ITSN2: variants seen among roughly 807,000 people sequenced by gnomAD.
ITSN2 encodes intersectin-2.
ITSN2 carries 156 observed loss-of-function variants against 243.7 expected under a neutral mutation model. The observed-to-expected ratio is 0.64, with a 90% CI of 0.56 to 0.73. The LOEUF is 0.73. Ranked by LOEUF, ITSN2 falls within the 30% of genes least tolerant of loss-of-function variation. ITSN2 has a pLI of 0.00. For missense variants in ITSN2, 1,801 were observed against 1,996.1 expected (o/e 0.90, Z 1.86); for synonymous variants, 703 against 699.9 (o/e 1.00, Z -0.07).
At chr2:24,337,057 CT>C (rs1686458131) in intron 1 of ITSN2, among the ~76,000 whole-genome samples, 2 of 148,994 alleles carry the variant, frequency 1.3e-5, no homozygotes, top group African/African-American at 4.9e-5. Flanking sequence ...TGTAACTTGG[CT>C]TTTCTTTTTT....
intron 17 of ITSN2, among the ~76,000 whole-genome samples, chr2:24,276,993 T>C (rs1184534037): frequency 2.0e-5 from 3 of 152,190 alleles, no homozygotes; most frequent in Non-Finnish European, 4.4e-5. Context: ...AAGGGTACTA[T>C]AGAAGCTGAA....
At chr2:24,305,686 C>A (rs1682443536) in intron 8 of ITSN2, among the ~76,000 whole-genome samples, 1 of 151,786 alleles carries the variant, frequency 6.6e-6, no homozygotes, top group Admixed American at 6.6e-5. Flanking sequence ...GGCTCATGCT[C>A]AGCTTAAGGA....
intron 29 of ITSN2, among the ~76,000 whole-genome samples, chr2:24,245,589 CCA>C (rs1673258473): frequency 6.6e-6 from 1 of 152,172 alleles, no homozygotes; most frequent in East Asian, 1.9e-4. Context: ...AAGAGATCTC[CCA>C]CCTCAGCCTC....
chr2:24,253,306 C>T (rs1265101440), intron 24 of ITSN2, among the ~76,000 whole-genome samples: 2 of 146,104 alleles, frequency 1.4e-5, no homozygotes, highest in Non-Finnish European at 3.0e-5. Flanking sequence ...CAGTATTACT[C>T]AATTAATTTA....
intron 1 of ITSN2, among the ~76,000 whole-genome samples, chr2:24,350,484 A>G (rs1485477926): frequency 6.6e-6 from 1 of 152,242 alleles, no homozygotes; most frequent in Non-Finnish European, 1.5e-5. Flanking sequence ...TATGAACCCA[A>G]GATAAATAAA....
intron 18 of ITSN2, among the ~76,000 whole-genome samples, chr2:24,272,324 G>C (rs1558529772): frequency 6.6e-6 from 1 of 151,554 alleles, no homozygotes; most frequent in Non-Finnish European, 1.5e-5. Context: ...GACAAGAACT[G>C]TCTTCCAGCT....
At chr2:24,308,242 A>G (rs911520485) in intron 8 of ITSN2, among the ~76,000 whole-genome samples, 1 of 152,228 alleles carries the variant, frequency 6.6e-6, no homozygotes, top group African/African-American at 2.4e-5. Flanking sequence ...AAAAAGCCCA[A>G]TGCAGAGGAG....
chr2:24,297,417 C>T (rs1308306318), intron 13 of ITSN2, among the ~76,000 whole-genome samples: 1 of 152,172 alleles, frequency 6.6e-6, no homozygotes, highest in Non-Finnish European at 1.5e-5. Flanking sequence ...CAACTTGACC[C>T]TCTAACATCT....
At position 24,203,543 on chromosome 2, in the gene ITSN2, C is replaced by T. The variant is rs2151064760; in HGVS notation, c.*83G>A. ...GTGAGGGGTGAAGCTGCATGGTGCT[C>T]CCTCAGCCCCAAGAGAGCGCAGTCT... is the stretch of plus-strand genomic sequence containing the variant. On this transcript the variant is annotated 3_prime_UTR_variant, in exon 40 of 40. Coordinates refer to ENST00000355123, the MANE Select transcript of ITSN2 (RefSeq NM_006277.3). The T allele has an allele frequency of 2.2e-6, 3 of 1,382,028 alleles. No individual in the cohort carries two copies. Among genetic ancestry groups the T allele is most frequent in the Non-Finnish European group, 2.9e-6 (3 of 1,020,436 alleles). 85.6% of individuals were successfully genotyped at this position (1,382,028 alleles called of 1,614,324 possible). A position where few individuals can be genotyped will look rare whatever the true frequency, so the allele number is the denominator to read the frequency against.
chr2:24,225,338 C>T lies in ITSN2; in HGVS notation c.3578-4272G>A, dbSNP rs1260787890. ...GCAAATGTCACTAGAGGGGTTTACA[C>T]CCATGGCCAACTCTCGCTAGCTTTC... On this transcript the variant is annotated intron_variant, in intron 29 of 39. Transcript: ENST00000355123. The surrounding 1 kb of genome is among the most constrained non-coding windows in gnomAD (Gnocchi z 4.2). 6.6e-6 allele frequency among the ~76,000 whole-genome samples: 1 copy of T among 152,202 alleles called. No homozygotes were observed. Among genetic ancestry groups the T allele is most frequent in the Admixed American group, 6.5e-5 (1 of 15,274 alleles).
chr2:24,270,702 T>G lies in ITSN2; in HGVS notation c.2324A>C (p.Glu775Ala). 6.3e-7 allele frequency: 1 copy of G among 1,599,082 alleles called. No individual in the cohort carries two copies. The highest frequency in any genetic ancestry group is 2.2e-5 in the East Asian group (1 of 44,746). The change falls in exon 20 of 40, where the codon GAG becomes GCG. Residue 775 changes from glutamate to alanine, a missense_variant. By Grantham distance (107) the Glu-to-Ala change is moderately radical. Around this residue, in one of 5 missense-constraint regions of ITSN2, gnomAD observed 787 missense variants for 803.9 expected, o/e 0.98. Transcript: ENST00000355123. The part of the protein sequence containing the change: ...LYPFEARNHD[E>A]MSFNSGDIIQ... Reference sequence around the variant, plus strand: ...TATATCTCCAGAATTAAAACTCATCTCATCATGGTTCCTTGCTTCAAAGGG... The same window carrying G: ...TATATCTCCAGAATTAAAACTCATCGCATCATGGTTCCTTGCTTCAAAGGG...
rs76184730 is a variant in ITSN2 at position 24,303,234 on chromosome 2, T to C, written c.857+565A>G. On this transcript the variant is annotated intron_variant, in intron 9 of 39. Transcript: ENST00000355123. ...CAGTCAGGAGAAATTCCAGAAGGCATTGTTATCATAGGAGACAATGGCTCC... is the reference window on the plus strand; with the variant it reads ...CAGTCAGGAGAAATTCCAGAAGGCACTGTTATCATAGGAGACAATGGCTCC... 7.3e-3 allele frequency among the ~76,000 whole-genome samples: 1,106 copies of C among 152,184 alleles called. 9 individuals are homozygous for C. Among genetic ancestry groups the C allele is most frequent in the African/African-American group, 0.026 (1,065 of 41,516 alleles).
In ITSN2 at chr2:24,295,737, G is replaced by C; in HGVS notation, c.1562C>G (p.Thr521Ser). ...DVRLKKQTQK[T>S]ELEVLDKQCD... is the part of the protein sequence containing the mutation. ...CTGCTTATCCAGAACTTCCAGCTCA[G>C]TCTTTTGAGTTTGCTTTTTGAGTCG... Residue 521 changes from threonine to serine, a missense_variant, in exon 14 of 40, where the codon ACT (threonine) becomes AGT (serine). Thr to Ser is a moderately conservative substitution (Grantham distance 58). Transcript: ENST00000355123. The C allele has an allele frequency of 6.4e-7, 1 of 1,566,698 alleles. No individual in the cohort carries two copies. The highest frequency in any genetic ancestry group is 8.6e-7 in the Non-Finnish European group (1 of 1,162,844).
chr2:24,339,250 A>G (rs1574369773), intron 1 of ITSN2, among the ~76,000 whole-genome samples: 1 of 152,152 alleles, frequency 6.6e-6, no homozygotes, highest in Non-Finnish European at 1.5e-5. Context: ...GCACTTTAGG[A>G]GGCCAAGGCA....
intron 15 of ITSN2, among the ~76,000 whole-genome samples, chr2:24,289,032 T>C (rs1679904904): frequency 6.6e-6 from 1 of 152,208 alleles, no homozygotes; most frequent in Non-Finnish European, 1.5e-5. Context: ...AGCTTCATAA[T>C]ATTTGCAAAC....
chr2:24,358,009 G>A (rs1455039636), intron 1 of ITSN2, among the ~76,000 whole-genome samples: 1 of 152,154 alleles, frequency 6.6e-6, no homozygotes, highest in African/African-American at 2.4e-5. Context: ...CCGCCTCCCG[G>A]GTTCAACGAT....
At chr2:24,280,880 C>G (rs1252281074) in intron 17 of ITSN2, among the ~76,000 whole-genome samples, 1 of 152,238 alleles carries the variant, frequency 6.6e-6, no homozygotes, top group Non-Finnish European at 1.5e-5. Context: ...ACCTTTTTAA[C>G]TCTACTTAAT....
intron 1 of ITSN2, among the ~76,000 whole-genome samples, chr2:24,357,243 T>C (rs954708462): frequency 6.6e-6 from 1 of 152,148 alleles, no homozygotes; most frequent in Non-Finnish European, 1.5e-5. Context: ...CCGTCAATGA[T>C]AGACTGGATA....
chr2:24,236,500 A>G (rs1558462890), intron 29 of ITSN2, among the ~76,000 whole-genome samples: 1 of 152,186 alleles, frequency 6.6e-6, no homozygotes, highest in African/African-American at 2.4e-5. Flanking sequence ...ATCTCAATGA[A>G]GCTGTTACCA....
Sources: allele counts gnomAD v4.1 joint callset (sites outside exome capture counted in the v4.1 genomes callset), GRCh38; gene constraint gnomAD v4.1.1; regional missense constraint gnomAD v4.1.1; non-coding constraint Gnocchi (gnomAD v3.1); transcripts MANE v1.5; gene names NCBI Gene and HGNC (gene_info 2026-07-23, HGNC 2026-07-21).